FOXN3: variants seen among roughly 807,000 people sequenced by gnomAD.
FOXN3 encodes forkhead box protein N3.
FOXN3 carries 7 observed loss-of-function variants against 38.4 expected under a neutral mutation model. The observed-to-expected ratio is 0.18, with a 90% CI of 0.10 to 0.34. FOXN3 has a LOEUF of 0.34. FOXN3 is among the 10% of genes least tolerant of loss of function. The probability of loss-of-function intolerance (pLI) is 1.00; values close to 1 mark genes in which losing one functional copy is unlikely to be tolerated. For missense variants in FOXN3, 456 were observed against 613.4 expected (o/e 0.74, Z 2.71); for synonymous variants, 230 against 242.2 (o/e 0.95, Z 0.47).
At chr14:89,465,902 G>A (rs1892967829) in intron 1 of FOXN3, among the ~76,000 whole-genome samples, 3 of 152,154 alleles carry the variant, frequency 2.0e-5, no homozygotes, top group Non-Finnish European at 4.4e-5. Flanking sequence ...CAGTTTTTAG[G>A]TTTACATAAA....
At chr14:89,573,164 G>A (rs903094424) in intron 1 of FOXN3, among the ~76,000 whole-genome samples, 4 of 152,180 alleles carry the variant, frequency 2.6e-5, no homozygotes, top group Non-Finnish European at 4.4e-5. Context: ...AATGAGAAGC[G>A]ATAAGTGATC....
Position 89,412,930 on chromosome 14 carries a change from T to A in FOXN3, c.-14-440A>T, listed in dbSNP as rs1891579948. Among the ~76,000 whole-genome samples the A allele has an allele frequency of 6.6e-6, 1 of 151,148 alleles. No homozygotes were observed. The highest frequency in any genetic ancestry group is 2.4e-5 in the African/African-American group (1 of 41,258). ...GTACCACACAGAATACATGGGAATGTAAGATAAGCCATTAACTGAAATTAG... is the reference window on the plus strand; with the variant it reads ...GTACCACACAGAATACATGGGAATGAAAGATAAGCCATTAACTGAAATTAG... On this transcript the variant is annotated intron_variant, in intron 1 of 5. Coordinates refer to ENST00000557258, the MANE Select transcript of FOXN3 (RefSeq NM_005197.4). This position sits in a 1 kb window ranked among gnomAD's most constrained non-coding sequence, Gnocchi z 4.7.
intron 2 of FOXN3, among the ~76,000 whole-genome samples, chr14:89,411,529 C>T (rs1891545554): frequency 6.6e-6 from 1 of 152,190 alleles, no homozygotes; most frequent in Non-Finnish European, 1.5e-5. Flanking sequence ...AAAAGAAACA[C>T]CATTTTTCTC....
intron 4 of FOXN3, among the ~76,000 whole-genome samples, chr14:89,184,467 A>G (rs1388714531): frequency 6.6e-6 from 1 of 152,232 alleles, no homozygotes; most frequent in Non-Finnish European, 1.5e-5. Flanking sequence ...GCGCATGGCC[A>G]GCAGAGAGGA....
chr14:89,270,920 C>T (rs1353297669), intron 4 of FOXN3, among the ~76,000 whole-genome samples: 2 of 152,156 alleles, frequency 1.3e-5, no homozygotes, highest in East Asian at 3.9e-4. Flanking sequence ...CAAAGGCCAA[C>T]AGGGGACCTG....
At chr14:89,387,659 CAGAG>C (rs143651941) in intron 2 of FOXN3, among the ~76,000 whole-genome samples, 1 of 151,322 alleles carries the variant, frequency 6.6e-6, no homozygotes, top group Non-Finnish European at 1.5e-5. Context: ...TGCCAAGGGC[CAGAG>C]AGAGAGAGAG....
intron 4 of FOXN3, among the ~76,000 whole-genome samples, chr14:89,240,277 A>AG (rs1363320478): frequency 1.4e-5 from 2 of 143,346 alleles, no homozygotes; most frequent in Non-Finnish European, 3.1e-5. Context: ...GCAATTCAAT[A>AG]GGAAAAAAAA....
chr14:89,577,353 T>A (rs1250601965), intron 1 of FOXN3: 2 of 152,174 alleles, frequency 1.3e-5, no homozygotes, highest in Non-Finnish European at 2.9e-5. Context: ...AATAAAATTA[T>A]AAGGATAGGT....
intron 4 of FOXN3, among the ~76,000 whole-genome samples, chr14:89,258,986 C>T (rs149386814): frequency 3.2e-3 from 493 of 152,350 alleles, no homozygotes; most frequent in African/African-American, 0.011. Context: ...GGCCACTTGC[C>T]TAGCTTAGTT....
intron 4 of FOXN3, among the ~76,000 whole-genome samples, chr14:89,203,632 T>C (rs1328977325): frequency 6.6e-6 from 1 of 152,164 alleles, no homozygotes; most frequent in East Asian, 1.9e-4. Flanking sequence ...GCGTGTGGTA[T>C]GAATACTCAG....
chr14:89,612,837 A>C (rs956623970), intron 1 of FOXN3, among the ~76,000 whole-genome samples: 1 of 149,604 alleles, frequency 6.7e-6, no homozygotes, highest in South Asian at 2.1e-4. Flanking sequence ...AAAAAAAAAA[A>C]GTCCGGACAC....
At chr14:89,547,012 T>C (rs1196126557) in intron 1 of FOXN3, among the ~76,000 whole-genome samples, 1 of 151,802 alleles carries the variant, frequency 6.6e-6, no homozygotes, top group East Asian at 2.0e-4. Flanking sequence ...CTCGAACTCC[T>C]GACCTTAAGC....
intron 1 of FOXN3, among the ~76,000 whole-genome samples, chr14:89,513,945 C>T (rs1008479338): frequency 2.0e-5 from 3 of 152,002 alleles, no homozygotes; most frequent in Non-Finnish European, 2.9e-5. Flanking sequence ...CACACACGCA[C>T]GCACACACGC....
At chr14:89,225,386 C>T (rs542279753) in intron 4 of FOXN3, among the ~76,000 whole-genome samples, 2 of 151,844 alleles carry the variant, frequency 1.3e-5, no homozygotes, top group Non-Finnish European at 2.9e-5. Flanking sequence ...AGGCGGATCA[C>T]GAGGTCAGGA....
chr14:89,452,191 T>A (rs1290755017), intron 1 of FOXN3, among the ~76,000 whole-genome samples: 1 of 152,072 alleles, frequency 6.6e-6, no homozygotes. Context: ...GTAGTCAGGG[T>A]GTATCCTACG....
chr14:89,490,372 T>C (rs1416774533), intron 1 of FOXN3, among the ~76,000 whole-genome samples: 3 of 152,180 alleles, frequency 2.0e-5, no homozygotes, highest in Non-Finnish European at 4.4e-5. Flanking sequence ...AGAAAGCATG[T>C]CAGACATGGG....
chr14:89,368,476 C>G (rs1333670052), intron 2 of FOXN3, among the ~76,000 whole-genome samples: 1 of 151,682 alleles, frequency 6.6e-6, no homozygotes, highest in Non-Finnish European at 1.5e-5. Flanking sequence ...AACCCAATCT[C>G]TAGAAAAAAT....
chr14:89,416,100 GC>G (rs1488957225), intron 1 of FOXN3, among the ~76,000 whole-genome samples: 2 of 152,278 alleles, frequency 1.3e-5, no homozygotes, highest in East Asian at 3.9e-4. Context: ...AGTTTGGGGG[GC>G]CGGGTCACCC....
At chr14:89,493,620 T>C (rs1326696554) in intron 1 of FOXN3, among the ~76,000 whole-genome samples, 1 of 152,180 alleles carries the variant, frequency 6.6e-6, no homozygotes, top group African/African-American at 2.4e-5. Flanking sequence ...GATATTTACA[T>C]AAGCTTTCAG....
Sources: allele counts gnomAD v4.1 joint callset (sites outside exome capture counted in the v4.1 genomes callset), GRCh38; gene constraint gnomAD v4.1.1; non-coding constraint Gnocchi (gnomAD v3.1); transcripts MANE v1.5; gene names NCBI Gene and HGNC (gene_info 2026-07-23, HGNC 2026-07-21).